The following ARPC1A variants were observed in gnomAD, a reference collection of about 807,000 sequenced individuals.
The protein encoded by ARPC1A is actin-related protein 2/3 complex subunit 1A.
A neutral mutation model predicts 46.9 loss-of-function variants in ARPC1A; 8 were observed. The ratio of observed to expected loss-of-function variants is 0.17; its 90% confidence interval spans 0.10 to 0.31. The LOEUF (loss-of-function observed/expected upper bound fraction) is 0.31. Ranked by LOEUF, ARPC1A falls within the 10% of genes least tolerant of loss-of-function variation. The probability of loss-of-function intolerance (pLI) is 1.00; values close to 1 mark genes in which losing one functional copy is unlikely to be tolerated. For missense variants in ARPC1A, 286 were observed against 483.6 expected, an observed-to-expected ratio of 0.59 and a Z score of 3.83; for synonymous variants, 152 against 169.0, an observed-to-expected ratio of 0.90 and a Z score of 0.78.
At chr7:99,327,697 A>G (rs1030111273) in intron 1 of ARPC1A, among the ~76,000 whole-genome samples, 1 of 151,888 alleles carries the variant, frequency 6.6e-6, no homozygotes, top group Non-Finnish European at 1.5e-5. Context: ...AAAGGAAGGG[A>G]CCATTTCGGA....
intron 9 of ARPC1A, among the ~76,000 whole-genome samples, chr7:99,364,271 T>C (rs1193008648): frequency 1.6e-4 from 22 of 136,966 alleles, no homozygotes; most frequent in African/African-American, 5.7e-4. Flanking sequence ...TCTCTCTCTT[T>C]TTTTTTTTTT....
chr7:99,355,312 G>A (rs533382602), intron 6 of ARPC1A, among the ~76,000 whole-genome samples: 2 of 151,764 alleles, frequency 1.3e-5, no homozygotes, highest in South Asian at 2.1e-4. Flanking sequence ...AGCTTTTACC[G>A]TGACAGGCAC....
chr7:99,343,533 A>G (rs947559750), intron 3 of ARPC1A, among the ~76,000 whole-genome samples: 8 of 152,140 alleles, frequency 5.3e-5, no homozygotes, highest in African/African-American at 1.9e-4. Context: ...GTCATGGTGA[A>G]TTTTGCTCTT....
At chr7:99,352,626 C>T (rs1793562182) in intron 5 of ARPC1A, among the ~76,000 whole-genome samples, 1 of 150,270 alleles carries the variant, frequency 6.7e-6, no homozygotes, top group African/African-American at 2.5e-5. Context: ...ACACTCCATC[C>T]CGGGCAACAG....
chr7:99,342,147 A>G (rs1038776447), intron 3 of ARPC1A, among the ~76,000 whole-genome samples: 1 of 152,198 alleles, frequency 6.6e-6, no homozygotes, highest in African/African-American at 2.4e-5. Flanking sequence ...GTAACAGCCA[A>G]TCTTGTTCTT....
chr7:99,345,198 C>T (rs1793426740), intron 4 of ARPC1A, among the ~76,000 whole-genome samples: 1 of 151,882 alleles, frequency 6.6e-6, no homozygotes. Flanking sequence ...TCCCAAAGTG[C>T]TGGGATTACA....
intron 4 of ARPC1A, among the ~76,000 whole-genome samples, chr7:99,345,478 T>C (rs78430058): frequency 0.01 from 1,543 of 152,148 alleles, 21 homozygotes; most frequent in African/African-American, 0.035. Context: ...CTGGCCAAGA[T>C]GGTGAAACCC....
At chr7:99,359,907 C>A in intron 8 of ARPC1A, 169 bp downstream of exon 8, 2 of 803,478 alleles carry the variant, frequency 2.5e-6, no homozygotes, top group Non-Finnish European at 3.9e-6. Flanking sequence ...CTCTCATTTC[C>A]AGCTCGTGGT....
At chr7:99,347,842 AAAAG>A (rs1160100453) in intron 4 of ARPC1A, among the ~76,000 whole-genome samples, 225 of 152,136 alleles carry the variant, frequency 1.5e-3, no homozygotes, top group African/African-American at 5.1e-3. Flanking sequence ...AAAAAAAAAA[AAAAG>A]AAAGAAAGTG....
At chr7:99,362,336 C>CCT (rs1562803976) in intron 8 of ARPC1A, among the ~76,000 whole-genome samples, 4 of 129,634 alleles carry the variant, frequency 3.1e-5, no homozygotes, top group African/African-American at 5.8e-5. Context: ...CCCCGCCCCC[C>CCT]TTTTTTTTTT....
intron 1 of ARPC1A, among the ~76,000 whole-genome samples, chr7:99,329,685 A>G (rs553901271): frequency 2.2e-4 from 34 of 152,360 alleles, no homozygotes; most frequent in African/African-American, 7.5e-4. Context: ...TAGAAATGCA[A>G]TTTTAGAAGT....
At chr7:99,360,895 T>G (rs1238184973) in intron 8 of ARPC1A, among the ~76,000 whole-genome samples, 3 of 140,996 alleles carry the variant, frequency 2.1e-5, no homozygotes, top group African/African-American at 8.4e-5. Context: ...GAGCCAAGAT[T>G]GAGCTACTGC....
intron 6 of ARPC1A, among the ~76,000 whole-genome samples, chr7:99,357,528 C>G (rs1727660172): frequency 1.3e-5 from 2 of 151,200 alleles, no homozygotes; most frequent in Admixed American, 6.6e-5. Flanking sequence ...CTGGGTCTCA[C>G]TATGTTGTCC....
chr7:99,327,154 T>A (rs917718110), intron 1 of ARPC1A, among the ~76,000 whole-genome samples: 6 of 151,968 alleles, frequency 3.9e-5, no homozygotes, highest in Non-Finnish European at 5.9e-5. Context: ...GGTGTTTTTG[T>A]CCTGTTAGGG....
chr7:99,330,495 A>G (rs1265690741), intron 1 of ARPC1A, among the ~76,000 whole-genome samples: 1 of 152,066 alleles, frequency 6.6e-6, no homozygotes, highest in Admixed American at 6.6e-5. Context: ...TTGTATTTTT[A>G]GTAGAGATAG....
At chr7:99,338,068 A>T in intron 2 of ARPC1A, 113 bp from the exon 3 acceptor site, 1 of 711,634 alleles carries the variant, frequency 1.4e-6, no homozygotes, top group East Asian at 3.1e-5. Flanking sequence ...CTACTTTTTC[A>T]AAAGTTTTTC....
Position 99,363,532 on chromosome 7 carries a change from C to G in ARPC1A, c.984-11C>G, listed in dbSNP as rs1163082953. On this transcript the variant is annotated splice_polypyrimidine_tract_variant and intron_variant, in intron 8 of 9. Transcript: ENST00000262942. ...ATACCTTACGATCTCTTTTGCTTTG[C>G]TTTTTTTCAGTCAAGTCTCTATTTA... 1 of 1,609,110 alleles carries G rather than the reference C, an allele frequency of 6.2e-7. No homozygotes were observed. Among genetic ancestry groups the G allele is most frequent in the South Asian group, 1.1e-5 (1 of 90,176 alleles).
At chr7:99,352,926 T>C (rs1793567893) in intron 5 of ARPC1A, among the ~76,000 whole-genome samples, 1 of 151,976 alleles carries the variant, frequency 6.6e-6, no homozygotes, top group African/African-American at 2.4e-5. Context: ...ATCATGCCAT[T>C]GCACTCCAGC....
In ARPC1A at chr7:99,333,184, C is replaced by G. The variant is rs539630056; in HGVS notation, c.-29-141C>G. ...TGCTAGTATTACAAGCGTGAGCCAC[C>G]GTGCCTGGCCAGATTATTTTTTAAT... On this transcript the variant is annotated intron_variant, in intron 1 of 9. Transcript: ENST00000262942. The G allele has an allele frequency of 1.6e-5, 10 of 623,620 alleles. No homozygotes were observed. The Admixed American group carries it at 3.0e-4, about 18-fold the overall frequency. 38.6% of individuals were successfully genotyped at this position (623,620 alleles called of 1,614,324 possible).
Sources: allele counts gnomAD v4.1 joint callset (sites outside exome capture counted in the v4.1 genomes callset), GRCh38; gene constraint gnomAD v4.1.1; transcripts MANE v1.5; gene names NCBI Gene and HGNC (gene_info 2026-07-23, HGNC 2026-07-21).